SSMEM1: variants seen among roughly 807,000 people sequenced by gnomAD.
The protein encoded by SSMEM1 is serine-rich single-pass membrane protein 1.
Under a neutral mutation model 9.9 loss-of-function variants are expected in SSMEM1, and 12 were observed. The ratio of observed to expected loss-of-function variants is 1.21; its 90% CI spans 0.78 to 1.96. The LOEUF is 1.96. SSMEM1 is among the 30% of genes most tolerant of loss of function. The pLI is 0.00. For synonymous variants in SSMEM1, 96 were observed against 98.9 expected (o/e 0.97, Z 0.17); for missense variants, 259 against 292.2 (o/e 0.89, Z 0.83).
Position 130,216,118 on chromosome 7 carries a change from G to T in SSMEM1, c.383G>T (p.Arg128Leu). Residue 128 changes from arginine (R) to leucine (L), a missense_variant, in exon 3 of 3, where the codon CGA (arginine) becomes CTA (leucine). Physicochemically the swap from Arg to Leu is moderately radical, Grantham distance 102. Coordinates refer to ENST00000297819, the MANE Select transcript of SSMEM1 (RefSeq NM_145268.4). ...ALVNAYPEQRRARRQSQFNEV... is the reference protein window; with the variant it reads ...ALVNAYPEQRLARRQSQFNEV... ...GTCAATGCCTATCCTGAACAAAGACGAGCCAGGCGCCAGTCTCAGTTCAAT... is the reference window on the plus strand; with the variant it reads ...GTCAATGCCTATCCTGAACAAAGACTAGCCAGGCGCCAGTCTCAGTTCAAT... 1 of 1,614,140 alleles carries T rather than the reference G, an allele frequency of 6.2e-7. No individual in the cohort carries two copies. The highest frequency in any genetic ancestry group is 1.1e-5 in the South Asian group (1 of 91,072).
At position 130,216,026 on chromosome 7, in the gene SSMEM1, C is replaced by G; in HGVS notation, c.291C>G (p.Pro97=). ...AAAGCAAAGACAGTGCCTGGGATCC[C>G]TCACAAACAATGAAGAAACCAAAGC... ...KRQSKDSAWD[P]SQTMKKPKQN... Residue 97 remains proline (P), a synonymous_variant, in exon 3 of 3, where the codon CCC becomes CCG. Coordinates refer to ENST00000297819, the MANE Select transcript of SSMEM1 (RefSeq NM_145268.4). The G allele has an allele frequency of 1.2e-6, 2 of 1,614,190 alleles. No homozygotes were observed. The highest frequency in any genetic ancestry group is 1.1e-5 in the South Asian group (1 of 91,084).
intron 2 of SSMEM1, 82 bp from the exon 3 acceptor site, chr7:130,215,890 TCA>T: frequency 6.5e-7 from 1 of 1,527,200 alleles, no homozygotes; most frequent in Non-Finnish European, 8.8e-7. Context: ...AAGAGTGAGC[TCA>T]CACGTGCACA....
rs1454751047 is a variant in SSMEM1 at position 130,216,578 on chromosome 7, C to A, written c.*108C>A. 2.2e-6 allele frequency: 3 copies of A among 1,352,998 alleles called. No individual in the cohort carries two copies. Among genetic ancestry groups the A allele is most frequent in the East Asian group, 2.3e-5 (1 of 43,096 alleles). The allele number at this position is 1,352,998 out of a possible 1,614,324, so 83.8% of individuals were successfully genotyped here. On this transcript the variant is annotated 3_prime_UTR_variant, in exon 3 of 3. Coordinates refer to ENST00000297819, the MANE Select transcript of SSMEM1 (RefSeq NM_145268.4). Reference sequence around the variant, plus strand: ...AGACTTTTACAACAAAGTCTCTCTACCAACAAACAAAAACATACTTGGAAC... The same window carrying A: ...AGACTTTTACAACAAAGTCTCTCTAACAACAAACAAAAACATACTTGGAAC...
At chr7:130,205,546 G>GT, upstream of SSMEM1, 1 of 1,021,332 alleles carries the variant, frequency 9.8e-7, no homozygotes, top group South Asian at 1.4e-5. Context: ...GCGTTACCAG[G>GT]GAAACAGGTC....
At chr7:130,207,795 AGTAT>A, upstream of SSMEM1, 1 of 1,082,456 alleles carries the variant, frequency 9.2e-7, no homozygotes, top group Middle Eastern at 2.0e-4. Context: ...CAGTTGCTTA[AGTAT>A]GTGTCATAAT....
upstream of SSMEM1, chr7:130,207,695 T>C: frequency 1.5e-6 from 1 of 664,750 alleles, no homozygotes; most frequent in South Asian, 1.5e-5. Flanking sequence ...TATTGAGGTA[T>C]GGGGGAAAAT....
intron 2 of SSMEM1, among the ~76,000 whole-genome samples, chr7:130,215,338 A>G (rs529763316): frequency 6.6e-6 from 1 of 152,190 alleles, no homozygotes; most frequent in Non-Finnish European, 1.5e-5. Context: ...AAAACAGCAT[A>G]GAGTTTCCAG....
At chr7:130,211,560 A>C (rs1320356451) in intron 1 of SSMEM1, among the ~76,000 whole-genome samples, 2 of 152,218 alleles carry the variant, frequency 1.3e-5, no homozygotes, top group Non-Finnish European at 2.9e-5. Context: ...ATGCTTGCCT[A>C]CCATTGCAGA....
At chr7:130,205,919 GC>G (rs972985735), upstream of SSMEM1, among the ~76,000 whole-genome samples, 11 of 151,896 alleles carry the variant, frequency 7.2e-5, no homozygotes, top group African/African-American at 2.7e-4. Flanking sequence ...CAAGGGATCC[GC>G]CCGCCTCAGC....
chr7:130,216,297 C>T lies in SSMEM1; in HGVS notation c.562C>T (p.Leu188=), dbSNP rs1798706663. 6.2e-7 allele frequency: 1 copy of T among 1,614,080 alleles called. No homozygotes were observed. Among genetic ancestry groups the T allele is most frequent in the African/African-American group, 1.3e-5 (1 of 74,930 alleles). The change falls in exon 3 of 3, where the codon CTG becomes TTG. Residue 188 remains leucine (L), a synonymous_variant. Transcript: ENST00000297819. The part of the protein sequence containing the change: ...RRKMAQRQRN[L]GSYQMSERHC... ...AAAAATGGCTCAGAGGCAAAGGAAT[C>T]TGGGAAGTTACCAAATGAGCGAAAG...
At chr7:130,210,591 A>G (rs1398216087) in intron 1 of SSMEM1, among the ~76,000 whole-genome samples, 1 of 152,154 alleles carries the variant, frequency 6.6e-6, no homozygotes, top group East Asian at 1.9e-4. Context: ...CAAACACCTT[A>G]TTTTGCTTAT....
At chr7:130,211,954 C>A (rs1041069171) in intron 1 of SSMEM1, among the ~76,000 whole-genome samples, 21 of 152,070 alleles carry the variant, frequency 1.4e-4, no homozygotes, top group African/African-American at 3.1e-4. Context: ...CCATTGTCTA[C>A]TTTTGAATTT....
Position 130,208,113 on chromosome 7 carries a change from T to G in SSMEM1, c.183+20T>G. 1 of 1,582,972 alleles carries G rather than the reference T, an allele frequency of 6.3e-7. No individual in the cohort carries two copies. The highest frequency in any genetic ancestry group is 8.6e-7 in the Non-Finnish European group (1 of 1,168,748). On this transcript the variant is annotated intron_variant, in intron 1 of 2. Transcript: ENST00000297819. ...GTCTGGGTAGGATATCTTTTTTTCA[T>G]TTTAAATAATATGTTTACTGTACAC...
chr7:130,209,660 A>G (rs999370122), intron 1 of SSMEM1, among the ~76,000 whole-genome samples: 2 of 152,196 alleles, frequency 1.3e-5, no homozygotes, highest in African/African-American at 4.8e-5. Context: ...GCTCACTGCA[A>G]CCTCAGCCTC....
At chr7:130,215,331 A>G (rs1798684583) in intron 2 of SSMEM1, among the ~76,000 whole-genome samples, 1 of 152,182 alleles carries the variant, frequency 6.6e-6, no homozygotes, top group Admixed American at 6.5e-5. Flanking sequence ...AAACAAAAAA[A>G]CAGCATAGAG....
chr7:130,211,775 C>CT (rs888350184), intron 1 of SSMEM1, among the ~76,000 whole-genome samples: 14 of 151,906 alleles, frequency 9.2e-5, no homozygotes, highest in African/African-American at 1.2e-4. Flanking sequence ...TCCTTAAAGT[C>CT]TTTTTTTTCA....
intron 2 of SSMEM1, among the ~76,000 whole-genome samples, chr7:130,215,056 A>G (rs1447527213): frequency 1.3e-5 from 2 of 152,250 alleles, no homozygotes; most frequent in African/African-American, 4.8e-5. Flanking sequence ...TAATCTCAGC[A>G]CTTTGGGTGG....
chr7:130,214,318 A>G (rs779436456), intron 2 of SSMEM1, among the ~76,000 whole-genome samples: 17 of 152,272 alleles, frequency 1.1e-4, no homozygotes, highest in Non-Finnish European at 1.9e-4. Context: ...AGGCTGAGGC[A>G]ACAGAATCAC....
In SSMEM1 at chr7:130,212,454, G is replaced by T. The variant is rs537158274; in HGVS notation, c.184-1026G>T. Among the ~76,000 whole-genome samples the T allele has an allele frequency of 1.9e-3, 287 of 152,164 alleles. 1 individual carries two copies. The highest frequency in any genetic ancestry group is 0.014 in the South Asian group (68 of 4,820). On this transcript the variant is annotated intron_variant, in intron 1 of 2. Coordinates refer to ENST00000297819, the MANE Select transcript of SSMEM1 (RefSeq NM_145268.4). ...AACTAAACTAATCTGGGCCAGGCGC[G>T]GTGGCTTACATCCGTAATCCCAGCA...
Sources: allele counts gnomAD v4.1 joint callset (sites outside exome capture counted in the v4.1 genomes callset), GRCh38; gene constraint gnomAD v4.1.1; transcripts MANE v1.5; gene names NCBI Gene and HGNC (gene_info 2026-07-23, HGNC 2026-07-21).